PPP2R2B: variants seen among roughly 807,000 people sequenced by gnomAD.
The protein encoded by PPP2R2B is serine/threonine-protein phosphatase 2A 55 kDa regulatory subunit B beta isoform.
In PPP2R2B, 5 loss-of-function variants were observed where a neutral mutation model predicts 46.0. The ratio of observed to expected loss-of-function variants is 0.11; its 90% CI spans 0.06 to 0.23. The LOEUF is 0.23. Among genes scored for constraint, PPP2R2B ranks in the 10% least tolerant of loss-of-function variants. The pLI, the probability that PPP2R2B is intolerant of heterozygous loss-of-function variation, is 1.00. For missense variants in PPP2R2B, 367 were observed against 575.0 expected (o/e 0.64, Z 3.70); for synonymous variants, 215 against 206.7 (o/e 1.04, Z -0.34).
In PPP2R2B at chr5:146,589,159, A is replaced by G. The variant is rs1284735360; in HGVS notation, c.*788T>C. ...GTAGAAGATTATATGGAGCCATTTA[A>G]GAGCACAAAAAGCAAGAGTAACAAG... On this transcript the variant is annotated 3_prime_UTR_variant, in exon 10 of 10. Coordinates refer to ENST00000394411, the MANE Select transcript of PPP2R2B (RefSeq NM_181675.4). 1 of 152,320 alleles carries G rather than the reference A, an allele frequency of 6.6e-6. No individual in the cohort carries two copies. Among genetic ancestry groups the G allele is most frequent in the African/African-American group, 2.4e-5 (1 of 41,482 alleles). 9.4% of individuals were successfully genotyped at this position (152,320 alleles called of 1,614,324 possible). A position where few individuals can be genotyped will look rare whatever the true frequency, so the allele number is the denominator to read the frequency against.
chr5:146,753,363 A>T (rs1753664965), intron 2 of PPP2R2B, among the ~76,000 whole-genome samples: 1 of 152,228 alleles, frequency 6.6e-6, no homozygotes, highest in Middle Eastern at 3.2e-3. Context: ...CAGAGAATAG[A>T]CAGTATAGAA....
intron 5 of PPP2R2B, among the ~76,000 whole-genome samples, chr5:146,668,469 T>G (rs1269243932): frequency 6.6e-6 from 1 of 152,194 alleles, no homozygotes; most frequent in Non-Finnish European, 1.5e-5. Flanking sequence ...TATGAGCCCT[T>G]TTCATGGCAA....
At chr5:146,850,925 A>C (rs1268797472) in intron 2 of PPP2R2B, among the ~76,000 whole-genome samples, 1 of 152,142 alleles carries the variant, frequency 6.6e-6, no homozygotes, top group African/African-American at 2.4e-5. Context: ...AAGACTTTCT[A>C]GAATATTAAA....
At chr5:146,935,209 G>A (rs895392490) in intron 1 of PPP2R2B, among the ~76,000 whole-genome samples, 2 of 152,132 alleles carry the variant, frequency 1.3e-5, no homozygotes, top group Non-Finnish European at 2.9e-5. Flanking sequence ...CATGAGGGCA[G>A]AGCCCTCACA....
chr5:147,075,834 G>C (rs1027321991), intron 2 of PPP2R2B, among the ~76,000 whole-genome samples: 56 of 152,096 alleles, frequency 3.7e-4, no homozygotes, highest in African/African-American at 1.3e-3. Flanking sequence ...TCTCTCATCA[G>C]ACTTCCTATA....
intron 1 of PPP2R2B, among the ~76,000 whole-genome samples, chr5:146,900,574 C>CCTTT: frequency 7.1e-6 from 1 of 141,192 alleles, no homozygotes; most frequent in Non-Finnish European, 1.5e-5. Context: ...TTCCTTCCTT[C>CCTTT]CTTCCTTCCT....
intron 2 of PPP2R2B, among the ~76,000 whole-genome samples, chr5:146,745,308 C>A (rs1281256358): frequency 2.0e-5 from 3 of 152,106 alleles, no homozygotes; most frequent in East Asian, 3.9e-4. Context: ...TGCCCTTGAA[C>A]AAGCTCTCAA....
At chr5:146,595,762 C>A (rs1390946746) in intron 8 of PPP2R2B, among the ~76,000 whole-genome samples, 1 of 152,220 alleles carries the variant, frequency 6.6e-6, no homozygotes, top group Non-Finnish European at 1.5e-5. Context: ...CATGAGCAAC[C>A]TCTAGAGCTT....
At chr5:146,986,809 A>T (rs1352251167) in intron 1 of PPP2R2B, among the ~76,000 whole-genome samples, 3 of 152,204 alleles carry the variant, frequency 2.0e-5, no homozygotes, top group African/African-American at 7.2e-5. Context: ...ATTGCCCTTA[A>T]AGTCGGAGTA....
At chr5:146,639,729 A>G (rs923524217) in intron 6 of PPP2R2B, among the ~76,000 whole-genome samples, 4 of 152,226 alleles carry the variant, frequency 2.6e-5, no homozygotes, top group African/African-American at 9.6e-5. Context: ...CTTTTTACTT[A>G]ACATTTTTCT....
intron 1 of PPP2R2B, among the ~76,000 whole-genome samples, chr5:146,984,827 T>C (rs538154226): frequency 1.4e-4 from 21 of 152,208 alleles, no homozygotes; most frequent in Admixed American, 1.1e-3. Context: ...TGATTACAAA[T>C]GTTGAGCATT....
At position 146,780,676 on chromosome 5, in the gene PPP2R2B, C is replaced by G. The variant is rs574073499; in HGVS notation, c.71-79534G>C. The stretch of plus-strand genomic sequence containing the variant: ...TTGAATATATAACATAAAAAGAAAA[C>G]TAATCACTAGGAATCCCTGTGCTGT... On this transcript the variant is annotated intron_variant, in intron 2 of 9. Coordinates refer to ENST00000394411, the MANE Select transcript of PPP2R2B (RefSeq NM_181675.4). Among the ~76,000 whole-genome samples, 7 of 152,228 alleles carry G rather than the reference C, an allele frequency of 4.6e-5. No individual in the cohort carries two copies. In the South Asian group the frequency reaches 1.5e-3, roughly 32 times the overall value.
At chr5:146,931,219 A>G (rs151065117) in intron 1 of PPP2R2B, among the ~76,000 whole-genome samples, 183 of 152,276 alleles carry the variant, frequency 1.2e-3, no homozygotes, top group African/African-American at 4.4e-3. Context: ...TGGTAATGTG[A>G]TGAAAATGTT....
intron 1 of PPP2R2B, among the ~76,000 whole-genome samples, chr5:147,035,966 T>C (rs1479076234): frequency 2.0e-5 from 3 of 152,226 alleles, no homozygotes; most frequent in Non-Finnish European, 2.9e-5. Context: ...TCTGTATTAC[T>C]ATTTTGTGTA....
At chr5:146,810,166 TA>T (rs1757438902) in intron 2 of PPP2R2B, among the ~76,000 whole-genome samples, 1 of 152,144 alleles carries the variant, frequency 6.6e-6, no homozygotes, top group Middle Eastern at 3.2e-3. Flanking sequence ...ACAGATTGTG[TA>T]TTAGTTCGTT....
chr5:146,878,818 C>T, upstream of PPP2R2B: 1 of 1,264,314 alleles, frequency 7.9e-7, no homozygotes, highest in Non-Finnish European at 1.0e-6. This position sits in a 1 kb window ranked among gnomAD's most constrained non-coding sequence, Gnocchi z 4.5. Context: ...GCGTCAGCAG[C>T]CCCACGACTC....
Position 146,707,108 on chromosome 5 carries a change from G to T in PPP2R2B, c.71-5966C>A, listed in dbSNP as rs1413054574. On this transcript the variant is annotated intron_variant, in intron 2 of 9. Coordinates refer to ENST00000394411, the MANE Select transcript of PPP2R2B (RefSeq NM_181675.4). ...TTCTTGAAGTCCTCCACCAGCCCCT[G>T]CGTGTTGCCAAGCTCCGCCTCCAGC... 12 of 1,583,478 alleles carry T rather than the reference G, an allele frequency of 7.6e-6. No homozygotes were observed. In the Admixed American group the frequency reaches 1.5e-4, roughly 20 times the overall value.
chr5:146,656,093 C>G (rs915352336), intron 5 of PPP2R2B, among the ~76,000 whole-genome samples: 2 of 152,220 alleles, frequency 1.3e-5, no homozygotes, highest in Admixed American at 6.5e-5. Context: ...TTCTAGGGAC[C>G]GGTGCCACAA....
intron 1 of PPP2R2B, among the ~76,000 whole-genome samples, chr5:146,986,381 G>A (rs1046214534): frequency 6.6e-6 from 1 of 152,164 alleles, no homozygotes; most frequent in Non-Finnish European, 1.5e-5. Flanking sequence ...TGCTGCTGCA[G>A]CTGGAAGAAA....
Sources: allele counts gnomAD v4.1 joint callset (sites outside exome capture counted in the v4.1 genomes callset), GRCh38; gene constraint gnomAD v4.1.1; non-coding constraint Gnocchi (gnomAD v3.1); transcripts MANE v1.5; gene names NCBI Gene and HGNC (gene_info 2026-07-23, HGNC 2026-07-21).